The following CDHR3 variants were observed in gnomAD, a reference collection of about 807,000 sequenced individuals.
CDHR3 encodes the protein cadherin-related family member 3.
A neutral mutation model predicts 86.6 loss-of-function variants in CDHR3; 79 were observed. That is an observed-to-expected ratio of 0.91 (90% CI 0.76 to 1.10). CDHR3 has a LOEUF of 1.10. Among genes scored for constraint, CDHR3 ranks in the 50% least tolerant of loss-of-function variants. The pLI, the probability that CDHR3 is intolerant of heterozygous loss-of-function variation, is 0.00. For missense variants in CDHR3, 1,081 were observed against 1,077.6 expected (o/e 1.00, Z -0.04); for synonymous variants, 421 against 402.4 (o/e 1.05, Z -0.55).
At chr7:105,981,591 G>C (rs968481255) in intron 3 of CDHR3, among the ~76,000 whole-genome samples, 1 of 152,188 alleles carries the variant, frequency 6.6e-6, no homozygotes, top group African/African-American at 2.4e-5. Flanking sequence ...TCTCCCCCAA[G>C]CTCATGGCTT....
intron 8 of CDHR3, among the ~76,000 whole-genome samples, chr7:106,007,143 G>A (rs944149791): frequency 5.9e-5 from 9 of 152,218 alleles, no homozygotes; most frequent in Non-Finnish European, 1.3e-4. Context: ...CTGGGATGCA[G>A]GGCACCAAGT....
chr7:106,002,629 A>G (rs1301794220), intron 7 of CDHR3, among the ~76,000 whole-genome samples: 1 of 152,104 alleles, frequency 6.6e-6, no homozygotes. Context: ...GTAAGGATGG[A>G]TGGGTTACTT....
chr7:105,996,064 C>T (rs527498547), intron 5 of CDHR3, among the ~76,000 whole-genome samples, 186 bp from the exon 6 acceptor site: 5 of 152,160 alleles, frequency 3.3e-5, no homozygotes, highest in African/African-American at 9.6e-5. Flanking sequence ...AAGCAGCCAG[C>T]GGGTTTGGAG....
intron 5 of CDHR3, 91 bp from the exon 6 acceptor site, chr7:105,996,159 C>G: frequency 1.4e-6 from 1 of 711,020 alleles, no homozygotes; most frequent in Admixed American, 2.1e-5. Flanking sequence ...AGGGTCTGCT[C>G]TCACTCCTCC....
At chr7:105,984,315 G>C (rs764614307) in intron 4 of CDHR3, 26 bp downstream of exon 4, 2 of 1,570,808 alleles carry the variant, frequency 1.3e-6, no homozygotes, top group South Asian at 2.3e-5. Flanking sequence ...TGGAAGAGGT[G>C]GTGTTTGTCC....
chr7:105,996,844 T>C (rs1369194649), intron 6 of CDHR3, among the ~76,000 whole-genome samples: 1 of 152,094 alleles, frequency 6.6e-6, no homozygotes, highest in Non-Finnish European at 1.5e-5. Context: ...AGAAAAGTGA[T>C]CCGGCTGTGT....
chr7:106,016,087 C>A, intron 11 of CDHR3, 62 bp downstream of exon 11: 1 of 1,141,560 alleles, frequency 8.8e-7, no homozygotes, highest in Non-Finnish European at 1.3e-6. Flanking sequence ...AACGTGTGTT[C>A]TGTGGAGTGG....
chr7:106,017,244 G>T (rs1206841532), intron 11 of CDHR3, among the ~76,000 whole-genome samples: 1 of 152,128 alleles, frequency 6.6e-6, no homozygotes, highest in African/African-American at 2.4e-5. Flanking sequence ...AAAATGATTA[G>T]TGTCCCTGGA....
At chr7:105,971,837 T>C (rs1828025246) in intron 1 of CDHR3, among the ~76,000 whole-genome samples, 1 of 152,138 alleles carries the variant, frequency 6.6e-6, no homozygotes, top group African/African-American at 2.4e-5. Flanking sequence ...TCCAGCACAA[T>C]TCTTCGTGTT....
At chr7:105,985,926 G>T (rs540233375) in intron 4 of CDHR3, among the ~76,000 whole-genome samples, 2 of 152,276 alleles carry the variant, frequency 1.3e-5, no homozygotes, top group South Asian at 4.1e-4. Context: ...TTCAGCACTG[G>T]TGCATCTGCT....
At chr7:105,972,571 G>T (rs1694361025) in intron 1 of CDHR3, among the ~76,000 whole-genome samples, 1 of 152,140 alleles carries the variant, frequency 6.6e-6, no homozygotes, top group African/African-American at 2.4e-5. Flanking sequence ...CGAGAAAAGA[G>T]AATGGGAGGG....
chr7:105,990,919 G>T (rs1831258927), intron 4 of CDHR3, among the ~76,000 whole-genome samples: 1 of 152,170 alleles, frequency 6.6e-6, no homozygotes, highest in Non-Finnish European at 1.5e-5. Context: ...GGTGAATGGG[G>T]CAGGAAGGAT....
intron 11 of CDHR3, 64 bp from the exon 12 acceptor site, chr7:106,017,782 T>C: frequency 7.4e-7 from 1 of 1,350,330 alleles, no homozygotes; most frequent in Non-Finnish European, 1.0e-6. Flanking sequence ...AGGACATCTG[T>C]TCCTGAATCA....
intron 1 of CDHR3, 137 bp downstream of exon 1, chr7:105,963,501 A>G: frequency 2.3e-6 from 2 of 881,886 alleles, no homozygotes; most frequent in South Asian, 1.5e-5. Flanking sequence ...GTAATGAATG[A>G]GGTGATGCCG....
At chr7:105,971,819 G>A (rs759053858) in intron 1 of CDHR3, among the ~76,000 whole-genome samples, 12 of 152,074 alleles carry the variant, frequency 7.9e-5, no homozygotes, top group Non-Finnish European at 1.2e-4. Flanking sequence ...CTCACACCAC[G>A]CTCACACTCC....
chr7:106,013,318 G>C (rs1368177554), intron 9 of CDHR3, among the ~76,000 whole-genome samples: 1 of 152,218 alleles, frequency 6.6e-6, no homozygotes, highest in Admixed American at 6.5e-5. Context: ...AGACACGTCA[G>C]TGCCCTCTGT....
rs910016121 is a variant in CDHR3, at chr7:105,980,965, T to G, written c.250-3T>G. 1.2e-6 allele frequency: 2 copies of G among 1,602,128 alleles called. No homozygotes were observed. Among genetic ancestry groups the G allele is most frequent in the Admixed American group, 1.7e-5 (1 of 57,996 alleles). The stretch of plus-strand genomic sequence containing the variant: ...TTACTAAGAATTTTGCATTTTGTTT[T>G]AGGTTGTCACCACTGGGATGGAACA... On this transcript the variant is annotated splice_region_variant and splice_polypyrimidine_tract_variant and intron_variant, in intron 2 of 18. Coordinates refer to ENST00000317716, the MANE Select transcript of CDHR3 (RefSeq NM_152750.5).
intron 6 of CDHR3, among the ~76,000 whole-genome samples, chr7:106,000,719 C>A (rs1833011988): frequency 6.6e-6 from 1 of 152,004 alleles, no homozygotes; most frequent in African/African-American, 2.4e-5. Flanking sequence ...GTTCCAAAGG[C>A]ATTGGTGAAG....
In CDHR3 at chr7:106,035,885, G is replaced by A. The variant is rs1048308823; in HGVS notation, c.*3188G>A. ...GGTTACAGACAGCCAATTTCCCAGC[G>A]TTGACCAGGTTTTGGGGGGAACAAA... On this transcript the variant is annotated 3_prime_UTR_variant, in exon 19 of 19. Coordinates refer to ENST00000317716, the MANE Select transcript of CDHR3 (RefSeq NM_152750.5). 1 of 152,178 alleles carries A rather than the reference G, an allele frequency of 6.6e-6. No homozygotes were observed. The highest frequency in any genetic ancestry group is 2.4e-5 in the African/African-American group (1 of 41,434). The allele number at this position is 152,178 out of a possible 1,614,324, so 9.4% of individuals were successfully genotyped here.
Sources: allele counts gnomAD v4.1 joint callset (sites outside exome capture counted in the v4.1 genomes callset), GRCh38; gene constraint gnomAD v4.1.1; transcripts MANE v1.5; gene names NCBI Gene and HGNC (gene_info 2026-07-23, HGNC 2026-07-21).